ERVW-1: variants seen among roughly 807,000 people sequenced by gnomAD.
ERVW-1 encodes syncytin-1.
ERVW-1 carries 21 observed loss-of-function variants against 16.6 expected under a neutral mutation model. That is an observed-to-expected ratio of 1.26 (90% CI 0.90 to 1.82). The LOEUF is 1.82. ERVW-1 is among the 40% of genes most tolerant of loss of function. The pLI is 0.00. For missense variants in ERVW-1, 412 were observed against 300.2 expected (o/e 1.37, Z -2.75); for synonymous variants, 161 against 109.8 (o/e 1.47, Z -2.92).
At chr7:92,471,277 T>C (rs562018526) in intron 1 of ERVW-1, 9 of 166,344 alleles carry the variant, frequency 5.4e-5, no homozygotes. Context: ...TTCTTTGTTC[T>C]CCTGAAGGAG....
chr7:92,472,948 C>T (rs564179730), intron 1 of ERVW-1: 17 of 152,326 alleles, frequency 1.1e-4, no homozygotes, highest in African/African-American at 3.8e-4. Flanking sequence ...AATCATCCAC[C>T]TACCGAAGGA....
At position 92,470,584 on chromosome 7, in the gene ERVW-1, G is replaced by A. The variant is rs1445585247; in HGVS notation, c.-203C>T. 2.0e-6 allele frequency: 1 copy of A among 508,220 alleles called. No individual in the cohort carries two copies. The highest frequency in any genetic ancestry group is 3.5e-6 in the Non-Finnish European group (1 of 283,966). The allele number at this position is 508,220 out of a possible 1,614,324, so 31.5% of individuals were successfully genotyped here. A position where few individuals can be genotyped will look rare whatever the true frequency, so the allele number is the denominator to read the frequency against. On this transcript the variant is annotated 5_prime_UTR_variant, in exon 2 of 2. Transcript: ENST00000603053. ...CGCAGTTGGGGTAGATAAAATGACT[G>A]GGTAGGGTCCTTCCCAGGATGTATC...
intron 1 of ERVW-1, among the ~76,000 whole-genome samples, chr7:92,473,806 C>T (rs1166025748): frequency 2.0e-5 from 3 of 151,944 alleles, no homozygotes; most frequent in African/African-American, 7.3e-5. Context: ...GAGACAACCT[C>T]CTGGCCCTCA....
chr7:92,474,456 C>G (rs1425445105), intron 1 of ERVW-1: 1 of 152,234 alleles, frequency 6.6e-6, no homozygotes, highest in Admixed American at 6.5e-5. Flanking sequence ...TCATAGACTT[C>G]TTCCTAGTTT....
rs771333788 is a variant in ERVW-1 at position 92,469,217 on chromosome 7, G to A, written c.1165C>T (p.Leu389=). ...VLQNRRALDL[L]TAERGGTCLF... ...CAGGTTCCCCCTCTTTCAGCGGTTAGCAAGTCTAAAGCTCTTCGATTTTGA... is the reference window on the plus strand; with the variant it reads ...CAGGTTCCCCCTCTTTCAGCGGTTAACAAGTCTAAAGCTCTTCGATTTTGA... The change falls in exon 2 of 2, where the codon CTA becomes TTA. Residue 389 remains leucine, a synonymous_variant. Transcript: ENST00000603053. The A allele has an allele frequency of 2.8e-5, 21 of 759,194 alleles. No homozygotes were observed. The African/African-American group carries it at 3.6e-4, about 13-fold the overall frequency. 47.0% of individuals were successfully genotyped at this position (759,194 alleles called of 1,614,324 possible).
At chr7:92,477,215 G>T (rs1790580974) in intron 1 of ERVW-1, among the ~76,000 whole-genome samples, 167 bp downstream of exon 1, 1 of 152,166 alleles carries the variant, frequency 6.6e-6, no homozygotes, top group Non-Finnish European at 1.5e-5. Context: ...ACCCAGAAGG[G>T]TTGGGGGTTG....
In ERVW-1 at chr7:92,470,072, C is replaced by G. The variant is rs1290485155; in HGVS notation, c.310G>C (p.Val104Leu). ...GTTTGGGTGAAGTAAGTCCAACAGA[C>G]AGTGACTCCAAGTCCTCCAGGACAA... Reference protein sequence around the residue: ...PSCPGGLGVTVCWTYFTQTGM... With the variant: ...PSCPGGLGVTLCWTYFTQTGM... The change falls in exon 2 of 2, where the codon GTC becomes CTC. Residue 104 changes from valine (V) to leucine (L), a missense_variant. Physicochemically the swap from Val to Leu is conservative, Grantham distance 32. Coordinates refer to ENST00000603053, the MANE Select transcript of ERVW-1 (RefSeq NM_001130925.2). 1 of 778,812 alleles carries G rather than the reference C, an allele frequency of 1.3e-6. No homozygotes were observed. The highest frequency in any genetic ancestry group is 1.7e-5 in the African/African-American group (1 of 59,180). 48.2% of individuals were successfully genotyped at this position (778,812 alleles called of 1,614,324 possible). A position where few individuals can be genotyped will look rare whatever the true frequency, so the allele number is the denominator to read the frequency against.
rs751784894 is a variant in ERVW-1 at position 92,469,730 on chromosome 7, C to T, written c.652G>A (p.Val218Ile). 19 of 763,832 alleles carry T rather than the reference C, an allele frequency of 2.5e-5. No individual in the cohort carries two copies. Among genetic ancestry groups the T allele is most frequent in the Admixed American group, 1.2e-4 (7 of 58,994 alleles). The allele number at this position is 763,832 out of a possible 1,614,324, so 47.3% of individuals were successfully genotyped here. ...NFSTEINTTSVLVGPLVSNLE... is the reference protein window; with the variant it reads ...NFSTEINTTSILVGPLVSNLE... ...TTGGAAACAAGAGGTCCTACTAAAA[C>T]GGAAGTGGTGTTTATTTCTGTGCTG... The change falls in exon 2 of 2, where the codon GTT becomes ATT. Residue 218 changes from valine (V) to isoleucine (I), a missense_variant. By Grantham distance (29) the Val-to-Ile change is conservative (BLOSUM62 3). Transcript: ENST00000603053.
At chr7:92,476,111 T>G (rs1284185034) in intron 1 of ERVW-1, among the ~76,000 whole-genome samples, 1 of 152,234 alleles carries the variant, frequency 6.6e-6, no homozygotes, top group East Asian at 1.9e-4. Context: ...CGGACCTTTG[T>G]ATGGTAATTA....
chr7:92,469,899 A>G lies in ERVW-1; in HGVS notation c.483T>C (p.His161=), dbSNP rs759716623. ...LSKLHETLRT[H]TRLVSLFNTT... Reference sequence around the variant, plus strand: ...TATTAAATAGGCTTACCAGGCGAGTATGGGTACGGAGGGTTTCATGTAGTT... The same window carrying G: ...TATTAAATAGGCTTACCAGGCGAGTGTGGGTACGGAGGGTTTCATGTAGTT... Residue 161 remains histidine (H), a synonymous_variant, in exon 2 of 2, where the codon CAT becomes CAC. Transcript: ENST00000603053. 5.1e-6 allele frequency: 4 copies of G among 778,798 alleles called. No homozygotes were observed. In the Admixed American group the frequency reaches 6.8e-5, roughly 13 times the overall value. 48.2% of individuals were successfully genotyped at this position (778,798 alleles called of 1,614,324 possible).
chr7:92,476,186 C>A (rs1790536301), intron 1 of ERVW-1, among the ~76,000 whole-genome samples: 1 of 152,222 alleles, frequency 6.6e-6, no homozygotes. Context: ...AGTTACATTA[C>A]CTTTTTCTAA....
At chr7:92,473,254 G>A (rs1790416405) in intron 1 of ERVW-1, 1 of 152,120 alleles carries the variant, frequency 6.6e-6, no homozygotes, top group Non-Finnish European at 1.5e-5. Flanking sequence ...ATAATCCTGA[G>A]ATCTTGCACT....
chr7:92,473,021 A>G (rs767843671), intron 1 of ERVW-1: 1 of 152,198 alleles, frequency 6.6e-6, no homozygotes, highest in Non-Finnish European at 1.5e-5. Context: ...ATAGATGGGG[A>G]CTATCCCTGA....
rs1476877876 is a variant in ERVW-1 at position 92,470,373 on chromosome 7, G to T, written c.9C>A (p.Leu3=). The change falls in exon 2 of 2, where the codon CTC becomes CTA. Residue 3 remains leucine (L), a synonymous_variant. Transcript: ENST00000603053. The part of the protein sequence containing the change: MA[L]PYHIFLFTVL... ...CAGTAAAGAGAAAAATATGATAAGG[G>T]AGGGCCATGGGGATTTATGATTTTA... The T allele has an allele frequency of 1.4e-6, 1 of 703,764 alleles. No homozygotes were observed. Among genetic ancestry groups the T allele is most frequent in the African/African-American group, 1.8e-5 (1 of 56,402 alleles). The allele number at this position is 703,764 out of a possible 1,614,324, so 43.6% of individuals were successfully genotyped here.
rs759675898 is a variant in ERVW-1, at chr7:92,469,811, G to A, written c.571C>T (p.Pro191Ser). 2.0e-5 allele frequency: 15 copies of A among 768,312 alleles called. No individual in the cohort carries two copies. In the Admixed American group the frequency reaches 2.5e-4, roughly 13 times the overall value. The allele number at this position is 768,312 out of a possible 1,614,324, so 47.6% of individuals were successfully genotyped here. A position where few individuals can be genotyped will look rare whatever the true frequency, so the allele number is the denominator to read the frequency against. Residue 191 changes from proline to serine, a missense_variant, in exon 2 of 2, where the codon CCC becomes TCC. Physicochemically the swap from Pro to Ser is moderately conservative, Grantham distance 74. Transcript: ENST00000603053. ...GAAACATATGGCCTGAAGTTCAGGG[G>A]GAGGCATATCCAACAGTTAGTAGGG... ...QNPTNCWICL[P>S]LNFRPYVSIP...
At chr7:92,470,706 T>C in intron 1 of ERVW-1, 98 bp from the exon 2 acceptor site, 1 of 217,624 alleles carries the variant, frequency 4.6e-6, no homozygotes. Flanking sequence ...TTCCTTGTAA[T>C]GTTTTAAGAA....
chr7:92,470,045 C>T lies in ERVW-1; in HGVS notation c.337G>A (p.Gly113Ser), dbSNP rs749231234. Residue 113 changes from glycine (G) to serine (S), a missense_variant, in exon 2 of 2, where the codon GGT becomes AGT. Coordinates refer to ENST00000603053, the MANE Select transcript of ERVW-1 (RefSeq NM_001130925.2). Reference protein sequence around the residue: ...TVCWTYFTQTGMSDGGGVQDQ... With the variant: ...TVCWTYFTQTSMSDGGGVQDQ... ...TGAACTCCACCCCCATCAGACATACCAGTTTGGGTGAAGTAAGTCCAACAG... is the reference window on the plus strand; with the variant it reads ...TGAACTCCACCCCCATCAGACATACTAGTTTGGGTGAAGTAAGTCCAACAG... 1.3e-6 allele frequency: 1 copy of T among 778,766 alleles called. No individual in the cohort carries two copies. The highest frequency in any genetic ancestry group is 1.3e-5 in the South Asian group (1 of 74,530). The allele number at this position is 778,766 out of a possible 1,614,324, so 48.2% of individuals were successfully genotyped here.
rs545287097 is a variant in ERVW-1 at position 92,469,280 on chromosome 7, A to G, written c.1102T>C (p.Leu368=). 2.4e-5 allele frequency: 18 copies of G among 764,408 alleles called. No homozygotes were observed. The African/African-American group carries it at 2.5e-4, about 11-fold the overall frequency. The allele number at this position is 764,408 out of a possible 1,614,324, so 47.4% of individuals were successfully genotyped here. ...MERVADSLVT[L]QDQLNSLAAV... is the part of the protein sequence containing the mutation. ...GCTAGGGAGTTAAGTTGATCTTGCA[A>G]GGTGACCAGGGAGTCGGCGACCCGT... The change falls in exon 2 of 2, where the codon TTG becomes CTG. Residue 368 remains leucine, a synonymous_variant. Transcript: ENST00000603053.
chr7:92,469,987 A>G lies in ERVW-1; in HGVS notation c.395T>C (p.Val132Ala), dbSNP rs1404263219. 1 of 777,176 alleles carries G rather than the reference A, an allele frequency of 1.3e-6. No individual in the cohort carries two copies. The highest frequency in any genetic ancestry group is 1.7e-5 in the African/African-American group (1 of 58,990). The allele number at this position is 777,176 out of a possible 1,614,324, so 48.1% of individuals were successfully genotyped here. The change falls in exon 2 of 2, where the codon GTA becomes GCA. Residue 132 changes from valine to alanine, a missense_variant. Val to Ala is a moderately conservative substitution (Grantham distance 64, BLOSUM62 0). Coordinates refer to ENST00000603053, the MANE Select transcript of ERVW-1 (RefSeq NM_001130925.2). ...ATGTACCCGGGTGAGTTGGGAGATT[A>G]CTTCTTTTACATGTTTTTCTCTTGC... ...DQAREKHVKEVISQLTRVHGT... is the reference protein window; with the variant it reads ...DQAREKHVKEAISQLTRVHGT...
Sources: allele counts gnomAD v4.1 joint callset (sites outside exome capture counted in the v4.1 genomes callset), GRCh38; gene constraint gnomAD v4.1.1; transcripts MANE v1.5; gene names NCBI Gene and HGNC (gene_info 2026-07-23, HGNC 2026-07-21).